The following PRKCE variants were observed in gnomAD, a reference collection of about 807,000 sequenced individuals.
PRKCE encodes the protein protein kinase C epsilon type.
A neutral mutation model predicts 85.4 loss-of-function variants in PRKCE; 16 were observed. That is an observed-to-expected ratio of 0.19 (90% CI 0.13 to 0.28). The LOEUF is 0.28. Among genes scored for constraint, PRKCE ranks in the 10% least tolerant of loss-of-function variants. PRKCE has a pLI of 1.00. For missense variants in PRKCE, 573 were observed against 975.2 expected, an observed-to-expected ratio of 0.59 and a Z score of 5.49; for synonymous variants, 388 against 371.5, an observed-to-expected ratio of 1.04 and a Z score of -0.51.
intron 2 of PRKCE, among the ~76,000 whole-genome samples, chr2:45,968,870 T>TC (rs1376444662): frequency 1.3e-5 from 2 of 151,834 alleles, no homozygotes; most frequent in African/African-American, 4.8e-5. Flanking sequence ...AGGGGCCATC[T>TC]CTCCCTGAGT....
At chr2:46,137,357 C>T (rs1360111711) in intron 11 of PRKCE, among the ~76,000 whole-genome samples, 1 of 152,176 alleles carries the variant, frequency 6.6e-6, no homozygotes, top group Non-Finnish European at 1.5e-5. Context: ...AATTACTATA[C>T]ACAGAATTAG....
intron 2 of PRKCE, among the ~76,000 whole-genome samples, chr2:45,892,618 C>T (rs1241918104): frequency 6.6e-6 from 1 of 152,158 alleles, no homozygotes; most frequent in Non-Finnish European, 1.5e-5. Context: ...GTATGCTTCC[C>T]AGGTGTACTG....
intron 1 of PRKCE, among the ~76,000 whole-genome samples, chr2:45,736,423 A>G (rs1009054763): frequency 6.6e-6 from 1 of 152,142 alleles, no homozygotes; most frequent in African/African-American, 2.4e-5. Context: ...CATACTGTCT[A>G]AAGCATTTTT....
intron 1 of PRKCE, among the ~76,000 whole-genome samples, chr2:45,764,441 C>T (rs561945225): frequency 6.6e-6 from 1 of 152,202 alleles, no homozygotes; most frequent in Admixed American, 6.5e-5. Flanking sequence ...AAATACTTAA[C>T]TAATTAATCT....
At chr2:45,945,837 A>G (rs986128563) in intron 2 of PRKCE, among the ~76,000 whole-genome samples, 2 of 152,266 alleles carry the variant, frequency 1.3e-5, no homozygotes, top group African/African-American at 4.8e-5. Flanking sequence ...TGACTTGTTA[A>G]TGGTGGAATG....
chr2:45,770,039 TGCAGTTCTGCAAGA>T (rs750564971), intron 1 of PRKCE, among the ~76,000 whole-genome samples: 2 of 152,246 alleles, frequency 1.3e-5, no homozygotes, highest in African/African-American at 2.4e-5. Context: ...ACACAGGATT[TGCAGTTCTGCAAGA>T]GGTGGGGCTG....
At chr2:45,775,777 C>T (rs73926080) in intron 1 of PRKCE, among the ~76,000 whole-genome samples, 7,666 of 152,194 alleles carry the variant, frequency 0.05, 655 homozygotes, top group African/African-American at 0.17. Context: ...CCACAGTGGG[C>T]TCTCATCATG....
rs544112403 is a variant in PRKCE at position 45,704,642 on chromosome 2, C to T, written c.348+52194C>T. ...CTCATCTGAAAAGTGAGCATCGCCA[C>T]GCCAGTCTTTTAGAAGTATTGTGAG... On this transcript the variant is annotated intron_variant, in intron 1 of 14. Transcript: ENST00000306156. 1.1e-4 allele frequency among the ~76,000 whole-genome samples: 17 copies of T among 152,200 alleles called. 1 individual carries two copies. The highest frequency in any genetic ancestry group is 1.3e-4 in the Non-Finnish European group (9 of 68,038).
At chr2:46,123,651 A>C (rs1673560326) in intron 11 of PRKCE, among the ~76,000 whole-genome samples, 1 of 152,174 alleles carries the variant, frequency 6.6e-6, no homozygotes, top group South Asian at 2.1e-4. Flanking sequence ...ACCATGCCCA[A>C]CTAATTTTTG....
chr2:45,863,668 C>G (rs1056095669), intron 2 of PRKCE, among the ~76,000 whole-genome samples: 3 of 152,120 alleles, frequency 2.0e-5, no homozygotes, highest in African/African-American at 4.8e-5. Flanking sequence ...GGAGCTCATT[C>G]TGTTCAGGAT....
rs1322963156 is a variant in PRKCE, at chr2:46,004,772, C to T, written c.1063+134C>T. ...CAGCCCTGGTGGGTTTTCACACACC[C>T]GTTGCCTGTTGATTTAACAGTTCTT... On this transcript the variant is annotated intron_variant, in intron 8 of 14. Transcript: ENST00000306156. This position sits in a 1 kb window ranked among gnomAD's most constrained non-coding sequence, Gnocchi z 4.1. 5.6e-6 allele frequency: 4 copies of T among 710,078 alleles called. No homozygotes were observed. The highest frequency in any genetic ancestry group is 2.8e-5 in the East Asian group (1 of 36,192). The allele number at this position is 710,078 out of a possible 1,614,324, so 44.0% of individuals were successfully genotyped here.
intron 10 of PRKCE, among the ~76,000 whole-genome samples, chr2:46,020,301 G>A (rs888453192): frequency 3.3e-5 from 5 of 152,268 alleles, no homozygotes; most frequent in African/African-American, 9.6e-5. Flanking sequence ...CTCCATGTCC[G>A]ACTGTTTCAC....
At chr2:46,132,222 G>A (rs531417718) in intron 11 of PRKCE, among the ~76,000 whole-genome samples, 3 of 152,162 alleles carry the variant, frequency 2.0e-5, no homozygotes, top group African/African-American at 4.8e-5. Flanking sequence ...ACCATCAAGC[G>A]TTGTGCTTGC....
At chr2:45,922,136 A>C (rs904943430) in intron 2 of PRKCE, among the ~76,000 whole-genome samples, 1 of 152,154 alleles carries the variant, frequency 6.6e-6, no homozygotes, top group Non-Finnish European at 1.5e-5. Context: ...CTCCTCTAGG[A>C]GGTCAAGTTG....
intron 2 of PRKCE, among the ~76,000 whole-genome samples, chr2:45,930,624 C>T (rs1698973664): frequency 6.6e-6 from 1 of 152,222 alleles, no homozygotes; most frequent in African/African-American, 2.4e-5. Context: ...TCATCATGAA[C>T]TCTGCTGCCT....
chr2:45,890,089 G>A lies in PRKCE; in HGVS notation c.412+47026G>A, dbSNP rs76999960. ...AGAGCAATTACTTATCACCATTACC[G>A]GAGATTTGAGTCCTCTCCCTTGGTG... On this transcript the variant is annotated intron_variant, in intron 2 of 14. Coordinates refer to ENST00000306156, the MANE Select transcript of PRKCE (RefSeq NM_005400.3). Among the ~76,000 whole-genome samples the A allele has an allele frequency of 3.1e-3, 469 of 152,288 alleles. 2 individuals are homozygous for A. Among genetic ancestry groups the A allele is most frequent in the Non-Finnish European group, 5.4e-3 (364 of 68,030 alleles).
At chr2:45,789,456 T>C (rs1408106742) in intron 1 of PRKCE, among the ~76,000 whole-genome samples, 1 of 152,354 alleles carries the variant, frequency 6.6e-6, no homozygotes, top group African/African-American at 2.4e-5. Context: ...TTTTAAATCA[T>C]ATGGGCATGT....
intron 2 of PRKCE, among the ~76,000 whole-genome samples, chr2:45,894,247 G>A (rs184498277): frequency 1.4e-3 from 211 of 152,014 alleles, no homozygotes; most frequent in African/African-American, 4.4e-3. Context: ...CACTGGGGGC[G>A]GGTTGGGGAT....
chr2:46,179,918 G>C (rs1679803411), intron 14 of PRKCE, among the ~76,000 whole-genome samples: 1 of 152,138 alleles, frequency 6.6e-6, no homozygotes, highest in Non-Finnish European at 1.5e-5. Flanking sequence ...CCTGAACCCA[G>C]ATCACGTTAC....
Sources: allele counts gnomAD v4.1 joint callset (sites outside exome capture counted in the v4.1 genomes callset), GRCh38; gene constraint gnomAD v4.1.1; non-coding constraint Gnocchi (gnomAD v3.1); transcripts MANE v1.5; gene names NCBI Gene and HGNC (gene_info 2026-07-23, HGNC 2026-07-21).